SLC45A4: variants seen among roughly 807,000 people sequenced by gnomAD.
SLC45A4 encodes the protein solute carrier family 45 member 4, also known as polyamine-transporter SLC45A4.
A neutral mutation model predicts 63.7 loss-of-function variants in SLC45A4; 32 were observed. That is an observed-to-expected ratio of 0.50 (90% CI 0.38 to 0.67). The LOEUF is 0.67. Ranked by LOEUF, SLC45A4 falls within the 30% of genes least tolerant of loss-of-function variation. SLC45A4 has a pLI of 0.00. For missense variants in SLC45A4, 1,027 were observed against 1,157.7 expected, an observed-to-expected ratio of 0.89 and a Z score of 1.64; for synonymous variants, 535 against 510.0, an observed-to-expected ratio of 1.05 and a Z score of -0.66.
At chr8:141,276,996 C>T (rs1829752853) in intron 1 of SLC45A4, among the ~76,000 whole-genome samples, 1 of 152,238 alleles carries the variant, frequency 6.6e-6, no homozygotes, top group Non-Finnish European at 1.5e-5. Context: ...TGAGCCAGCA[C>T]AGGATGTCGC....
chr8:141,288,427 A>G (rs1266652653), intron 1 of SLC45A4, among the ~76,000 whole-genome samples: 1 of 152,242 alleles, frequency 6.6e-6, no homozygotes, highest in East Asian at 1.9e-4. Context: ...CATACGACAG[A>G]GTGACCCACC....
intron 1 of SLC45A4, among the ~76,000 whole-genome samples, chr8:141,268,853 C>T (rs1415125370): frequency 1.3e-5 from 2 of 152,138 alleles, no homozygotes; most frequent in East Asian, 3.8e-4. Context: ...TGCTATGCAT[C>T]ACCTGGAAAA....
chr8:141,211,912 A>C, intron 8 of SLC45A4: 2 of 1,246,430 alleles, frequency 1.6e-6, no homozygotes, highest in Non-Finnish European at 2.0e-6. Flanking sequence ...AGAATAAAAG[A>C]GCTGAAATTA....
At chr8:141,220,655 C>T (rs561326211) in intron 3 of SLC45A4, among the ~76,000 whole-genome samples, 20 of 152,348 alleles carry the variant, frequency 1.3e-4, no homozygotes, top group Admixed American at 6.5e-4. Context: ...CCGTGGGAGG[C>T]GCGGGAGAAG....
At chr8:141,259,797 G>C (rs546507745) in intron 1 of SLC45A4, among the ~76,000 whole-genome samples, 129 of 152,294 alleles carry the variant, frequency 8.5e-4, no homozygotes, top group African/African-American at 2.9e-3. Flanking sequence ...CATGCTTCTT[G>C]AACCTGGGCT....
chr8:141,230,106 G>A (rs924891843), intron 2 of SLC45A4: 3 of 456,280 alleles, frequency 6.6e-6, no homozygotes, highest in Non-Finnish European at 4.4e-6. Context: ...CATGTCAGAG[G>A]CCGCATTAGA....
At position 141,276,973 on chromosome 8, in the gene SLC45A4, G is replaced by A. The variant is rs1829751974; in HGVS notation, c.-400-22344C>T. On this transcript the variant is annotated intron_variant, in intron 1 of 8. Transcript: ENST00000517878. ...GGCCTAAGCACTGCCCTCCAGGATCGGATGGCCGCCTGTGAGCCAGCACAG... is the reference window on the plus strand; with the variant it reads ...GGCCTAAGCACTGCCCTCCAGGATCAGATGGCCGCCTGTGAGCCAGCACAG... Among the ~76,000 whole-genome samples the A allele has an allele frequency of 3.3e-5, 5 of 152,214 alleles. No homozygotes were observed. In the East Asian group the frequency reaches 5.8e-4, roughly 18 times the overall value.
At chr8:141,230,537 T>C (rs1371866587) in intron 2 of SLC45A4, among the ~76,000 whole-genome samples, 1 of 152,198 alleles carries the variant, frequency 6.6e-6, no homozygotes, top group African/African-American at 2.4e-5. Flanking sequence ...CGTGCCCAGC[T>C]CCAGGATGGG....
intron 5 of SLC45A4, 52 bp from the exon 6 acceptor site, chr8:141,217,241 G>C: frequency 6.4e-7 from 1 of 1,567,592 alleles, no homozygotes; most frequent in Non-Finnish European, 8.8e-7. Context: ...GGGCCCTCCA[G>C]GCCAGGAGCG....
At chr8:141,291,203 T>C (rs534510624) in intron 1 of SLC45A4, among the ~76,000 whole-genome samples, 3 of 152,282 alleles carry the variant, frequency 2.0e-5, no homozygotes, top group South Asian at 4.1e-4. Context: ...CTAAACTGTA[T>C]ACAAAATTGC....
chr8:141,246,272 G>C (rs1417315045), intron 2 of SLC45A4, among the ~76,000 whole-genome samples: 1 of 152,168 alleles, frequency 6.6e-6, no homozygotes, highest in Non-Finnish European at 1.5e-5. Flanking sequence ...CTGCTGCTGC[G>C]TAACAAACTG....
Position 141,285,071 on chromosome 8 carries a change from G to A in SLC45A4, c.-401+23025C>T, listed in dbSNP as rs191678919. Among the ~76,000 whole-genome samples the A allele has an allele frequency of 2.9e-3, 439 of 152,338 alleles. 3 individuals carry two copies. Among genetic ancestry groups the A allele is most frequent in the South Asian group, 5.8e-3 (28 of 4,828 alleles). ...GCTGGCAGTGGGGCTCGGGGCCACT[G>A]GTTCCCAAGCAGACTTCCCCCACCT... On this transcript the variant is annotated intron_variant, in intron 1 of 8. Coordinates refer to ENST00000517878, the MANE Select transcript of SLC45A4 (RefSeq NM_001286646.2).
chr8:141,299,643 G>C (rs1038031946), intron 1 of SLC45A4, among the ~76,000 whole-genome samples: 4 of 152,202 alleles, frequency 2.6e-5, no homozygotes, highest in Admixed American at 2.0e-4. Context: ...GCCGTTTTAC[G>C]TAAGCAACAC....
intron 1 of SLC45A4, among the ~76,000 whole-genome samples, chr8:141,255,559 T>C (rs1828733942): frequency 6.6e-6 from 1 of 151,994 alleles, no homozygotes; most frequent in Non-Finnish European, 1.5e-5. Context: ...CTACTAAAAA[T>C]ACAAAAATTA....
At chr8:141,241,189 A>C (rs1827894293) in intron 2 of SLC45A4, among the ~76,000 whole-genome samples, 1 of 152,284 alleles carries the variant, frequency 6.6e-6, no homozygotes, top group African/African-American at 2.4e-5. Context: ...ACAGCGTCAC[A>C]AACGGCCAGG....
chr8:141,220,322 C>T (rs971876320), intron 3 of SLC45A4, among the ~76,000 whole-genome samples: 2 of 152,122 alleles, frequency 1.3e-5, no homozygotes, highest in African/African-American at 2.4e-5. Flanking sequence ...TGAAAGGAAA[C>T]GACACCCCAA....
chr8:141,274,949 C>T (rs553311672), intron 1 of SLC45A4, among the ~76,000 whole-genome samples: 3 of 152,338 alleles, frequency 2.0e-5, no homozygotes, highest in East Asian at 1.9e-4. Context: ...AGGGCCACTG[C>T]GGATGGGAGA....
At chr8:141,235,163 C>G (rs189651969) in intron 2 of SLC45A4, among the ~76,000 whole-genome samples, 1 of 152,182 alleles carries the variant, frequency 6.6e-6, no homozygotes, top group Non-Finnish European at 1.5e-5. Flanking sequence ...CCGAAGCCCC[C>G]GACCCACAGC....
At chr8:141,272,522 C>A (rs753787643) in intron 1 of SLC45A4, among the ~76,000 whole-genome samples, 1 of 152,214 alleles carries the variant, frequency 6.6e-6, no homozygotes, top group Admixed American at 6.5e-5. Context: ...GTGAACAGGG[C>A]GGTACCTTAC....
Sources: allele counts gnomAD v4.1 joint callset (sites outside exome capture counted in the v4.1 genomes callset), GRCh38; gene constraint gnomAD v4.1.1; transcripts MANE v1.5; gene names NCBI Gene and HGNC (gene_info 2026-07-23, HGNC 2026-07-21).